The following ILDR2 variants were observed in gnomAD, a reference collection of about 807,000 sequenced individuals.
The protein encoded by ILDR2 is immunoglobulin like domain containing receptor 2, also known as immunoglobulin-like domain-containing receptor 2.
Under a neutral mutation model 66.8 loss-of-function variants are expected in ILDR2, and 25 were observed. The observed-to-expected ratio is 0.37, with a 90% confidence interval of 0.27 to 0.52. The LOEUF (loss-of-function observed/expected upper bound fraction) is 0.52, where lower values mean the gene tolerates loss of function less well. Among genes scored for constraint, ILDR2 ranks in the 20% least tolerant of loss-of-function variants. The probability of loss-of-function intolerance (pLI) is 0.88; values close to 1 mark genes in which losing one functional copy is unlikely to be tolerated. For synonymous variants in ILDR2, 367 were observed against 357.2 expected (o/e 1.03, Z -0.31); for missense variants, 827 against 876.8 (o/e 0.94, Z 0.72).
chr1:166,928,011 A>G (rs1660404970), intron 6 of ILDR2, among the ~76,000 whole-genome samples: 1 of 152,234 alleles, frequency 6.6e-6, no homozygotes, highest in Admixed American at 6.5e-5. Flanking sequence ...GTATCAGTCT[A>G]GCCCAATACC....
chr1:166,955,598 GTCTCAAAAA>G (rs1297662794), intron 3 of ILDR2, among the ~76,000 whole-genome samples: 1 of 152,076 alleles, frequency 6.6e-6, no homozygotes, highest in African/African-American at 2.4e-5. Flanking sequence ...GTGAGACTCT[GTCTCAAAAA>G]TAAAATCAAA....
At chr1:166,899,602 C>G (rs1416453390) in intron 2 of ILDR2, among the ~76,000 whole-genome samples, 1 of 152,070 alleles carries the variant, frequency 6.6e-6, no homozygotes, top group Non-Finnish European at 1.5e-5. Flanking sequence ...TTTTTGCTGT[C>G]CTCTCAAGAA....
intron 3 of ILDR2, among the ~76,000 whole-genome samples, chr1:166,949,819 G>A (rs1036425613): frequency 6.6e-6 from 1 of 152,188 alleles, no homozygotes; most frequent in Non-Finnish European, 1.5e-5. Flanking sequence ...GACCAGCAGA[G>A]GCATCTAGGT....
chr1:166,906,907 G>T (rs575843563), downstream of ILDR2: 1 of 152,382 alleles, frequency 6.6e-6, no homozygotes, highest in African/African-American at 2.4e-5. Flanking sequence ...TGGACCTAGG[G>T]GGCCCAGCCA....
In ILDR2 at chr1:166,909,637, T is replaced by G. The variant is rs1409849881; in HGVS notation, c.*9718A>C. Reference sequence around the variant, plus strand: ...AGGCTGGGAGGGTGGGGTTGTATATTAATGTCCATTATAATTTAACTACAT... The same window carrying G: ...AGGCTGGGAGGGTGGGGTTGTATATGAATGTCCATTATAATTTAACTACAT... On this transcript the variant is annotated 3_prime_UTR_variant, in exon 10 of 10. Transcript: ENST00000271417. 6.6e-6 allele frequency: 1 copy of G among 151,024 alleles called. No individual in the cohort carries two copies. The highest frequency in any genetic ancestry group is 1.9e-4 in the East Asian group (1 of 5,146). The allele number at this position is 151,024 out of a possible 1,614,324, so 9.4% of individuals were successfully genotyped here. A position where few individuals can be genotyped will look rare whatever the true frequency, so the allele number is the denominator to read the frequency against.
At position 166,920,697 on chromosome 1, in the gene ILDR2, G is replaced by A. The variant is rs917356593; in HGVS notation, c.1884+10C>T. 7 of 1,382,818 alleles carry A rather than the reference G, an allele frequency of 5.1e-6. No homozygotes were observed. In the South Asian group the frequency reaches 1.3e-4, roughly 25 times the overall value. The allele number at this position is 1,382,818 out of a possible 1,614,324, so 85.7% of individuals were successfully genotyped here. Reference sequence around the variant, plus strand: ...TCCCCTCGGAGGAGGGGAGGCAGACGCAGTCTCACGGTTTTCTTGGCGGGC... The same window carrying A: ...TCCCCTCGGAGGAGGGGAGGCAGACACAGTCTCACGGTTTTCTTGGCGGGC... On this transcript the variant is annotated intron_variant, in intron 9 of 9. Coordinates refer to ENST00000271417, the MANE Select transcript of ILDR2 (RefSeq NM_199351.3).
chr1:166,921,334 G>A lies in ILDR2; in HGVS notation c.1257C>T (p.Ala419=), dbSNP rs1269668849. 1 of 1,584,992 alleles carries A rather than the reference G, an allele frequency of 6.3e-7. No individual in the cohort carries two copies. Among genetic ancestry groups the A allele is most frequent in the Non-Finnish European group, 8.6e-7 (1 of 1,162,280 alleles). The part of the protein sequence containing the change: ...KSEMLSRKNF[A]TGVPAVSMDE... ...CCATGGAAACGGCCGGCACCCCCGT[G>A]GCGAAGTTCTTCCGCGACAGCATCT... Residue 419 remains alanine (A), a synonymous_variant, in exon 9 of 10, where the codon GCC becomes GCT. Coordinates refer to ENST00000271417, the MANE Select transcript of ILDR2 (RefSeq NM_199351.3). This position sits in a 1 kb window ranked among gnomAD's most constrained non-coding sequence, Gnocchi z 5.3.
Position 166,917,766 on chromosome 1 carries a change from C to G in ILDR2, c.*1589G>C, listed in dbSNP as rs946774179. 6.6e-6 allele frequency: 1 copy of G among 152,344 alleles called. No individual in the cohort carries two copies. The highest frequency in any genetic ancestry group is 1.5e-5 in the Non-Finnish European group (1 of 68,044). 9.4% of individuals were successfully genotyped at this position (152,344 alleles called of 1,614,324 possible). A position where few individuals can be genotyped will look rare whatever the true frequency, so the allele number is the denominator to read the frequency against. The stretch of plus-strand genomic sequence containing the variant: ...TTGGGCTGGGTTCAGCTAGGCAGTT[C>G]TTCTATTGGTATCACCTGGACTCAC... On this transcript the variant is annotated 3_prime_UTR_variant, in exon 10 of 10. Transcript: ENST00000271417.
At position 166,921,136 on chromosome 1, in the gene ILDR2, G is replaced by A. The variant is rs750260755; in HGVS notation, c.1455C>T (p.Arg485=). 3.3e-6 allele frequency: 5 copies of A among 1,529,762 alleles called. No individual in the cohort carries two copies. The highest frequency in any genetic ancestry group is 1.4e-5 in the African/African-American group (1 of 72,478). The allele number at this position is 1,529,762 out of a possible 1,614,324, so 94.8% of individuals were successfully genotyped here. The stretch of plus-strand genomic sequence containing the variant: ...CGCGGTCAGCATCGGTCAGGGGCTC[G>A]CGGCTGCGGCTGCGCTGACCGTAGT... ...EEYYGQRSRS[R]EPLTDADRGW... is the part of the protein sequence containing the mutation. Residue 485 remains arginine (R), a synonymous_variant, in exon 9 of 10, where the codon CGC becomes CGT. Transcript: ENST00000271417. This position sits in a 1 kb window ranked among gnomAD's most constrained non-coding sequence, Gnocchi z 5.3.
At chr1:166,932,387 A>G in intron 6 of ILDR2, among the ~76,000 whole-genome samples, 1 of 152,206 alleles carries the variant, frequency 6.6e-6, no homozygotes, top group East Asian at 1.9e-4. Flanking sequence ...GCTGTGAAGA[A>G]GAGTAAAGGG....
At chr1:166,935,272 T>G in intron 6 of ILDR2, 29 bp downstream of exon 6, 1 of 1,611,808 alleles carries the variant, frequency 6.2e-7, no homozygotes, top group Non-Finnish European at 8.5e-7. Flanking sequence ...GAGACAAGCA[T>G]GGGCAGGGCA....
At chr1:166,899,173 C>T (rs1659221168) in intron 2 of ILDR2, among the ~76,000 whole-genome samples, 1 of 152,066 alleles carries the variant, frequency 6.6e-6, no homozygotes, top group South Asian at 2.1e-4. Context: ...AGGTGGATCA[C>T]CTGAGGTCTA....
At chr1:166,951,238 A>T (rs1377632343) in intron 3 of ILDR2, among the ~76,000 whole-genome samples, 1 of 152,178 alleles carries the variant, frequency 6.6e-6, no homozygotes, top group East Asian at 1.9e-4. Context: ...CTTGAGATGG[A>T]AGGTGCTAAA....
downstream of ILDR2, among the ~76,000 whole-genome samples, chr1:166,905,754 C>G (rs139906298): frequency 3.3e-5 from 5 of 152,240 alleles, no homozygotes; most frequent in African/African-American, 1.2e-4. Context: ...TCATTTAGAA[C>G]CTCTATAGCT....
intron 8 of ILDR2, among the ~76,000 whole-genome samples, chr1:166,922,302 G>A (rs917288572): frequency 6.6e-6 from 1 of 152,076 alleles, no homozygotes; most frequent in African/African-American, 2.4e-5. Context: ...TTTTGTAGAG[G>A]TTATAGGATA....
chr1:166,942,834 A>G (rs1661386690), intron 3 of ILDR2, among the ~76,000 whole-genome samples: 1 of 152,262 alleles, frequency 6.6e-6, no homozygotes, highest in African/African-American at 2.4e-5. Context: ...AATGAGCAGC[A>G]TGGAAGAACA....
rs940481943 is a variant in ILDR2 at position 166,975,378 on chromosome 1, G to T, written c.-110C>A. ...GGGCGGCGGCGGAGCGGCGGGCACC[G>T]GGCGTCCCTGGGCGCAGCGCCCGCC... On this transcript the variant is annotated 5_prime_UTR_variant, in exon 1 of 10. Transcript: ENST00000271417. 13 of 585,814 alleles carry T rather than the reference G, an allele frequency of 2.2e-5. No homozygotes were observed. In the South Asian group the frequency reaches 7.3e-4, roughly 33 times the overall value. The allele number at this position is 585,814 out of a possible 1,614,324, so 36.3% of individuals were successfully genotyped here.
At chr1:166,931,022 G>T (rs1361868690) in intron 6 of ILDR2, among the ~76,000 whole-genome samples, 2 of 152,176 alleles carry the variant, frequency 1.3e-5, no homozygotes, top group Admixed American at 1.3e-4. Flanking sequence ...CTGTTTTCAA[G>T]TTCAGTCTGG....
rs1453350149 is a variant in ILDR2 at position 166,909,602 on chromosome 1, C to A, written c.*9753G>T. 6.6e-6 allele frequency: 1 copy of A among 151,422 alleles called. No individual in the cohort carries two copies. Among genetic ancestry groups the A allele is most frequent in the East Asian group, 1.9e-4 (1 of 5,144 alleles). The allele number at this position is 151,422 out of a possible 1,614,324, so 9.4% of individuals were successfully genotyped here. On this transcript the variant is annotated 3_prime_UTR_variant, in exon 10 of 10. Transcript: ENST00000271417. ...AAGCTAGGTGCCTAAGTCATACCAG[C>A]AACAAAAAGAGGCTGGGAGGGTGGG...
Sources: allele counts gnomAD v4.1 joint callset (sites outside exome capture counted in the v4.1 genomes callset), GRCh38; gene constraint gnomAD v4.1.1; non-coding constraint Gnocchi (gnomAD v3.1); transcripts MANE v1.5; gene names NCBI Gene and HGNC (gene_info 2026-07-23, HGNC 2026-07-21).